The following PARN variants were observed in gnomAD, a reference collection of about 807,000 sequenced individuals.
PARN encodes the protein poly(A)-specific ribonuclease.
PARN carries 71 observed loss-of-function variants against 102.8 expected under a neutral mutation model. The observed-to-expected ratio is 0.69, with a 90% CI of 0.57 to 0.84. The LOEUF (loss-of-function observed/expected upper bound fraction) is 0.84. Ranked by LOEUF, PARN falls within the 40% of genes least tolerant of loss-of-function variation. The probability of loss-of-function intolerance (pLI) is 0.00; values close to 1 mark genes in which losing one functional copy is unlikely to be tolerated. For synonymous variants in PARN, 261 were observed against 252.9 expected (o/e 1.03, Z -0.30); for missense variants, 782 against 760.9 (o/e 1.03, Z -0.33).
At chr16:14,462,156 T>C (rs1962021450) in intron 22 of PARN, among the ~76,000 whole-genome samples, 1 of 152,186 alleles carries the variant, frequency 6.6e-6, no homozygotes, top group African/African-American at 2.4e-5. Context: ...ATTAATGTCC[T>C]TATAGACATA....
chr16:14,598,433 C>A (rs1051411481), intron 12 of PARN, among the ~76,000 whole-genome samples: 1 of 152,118 alleles, frequency 6.6e-6, no homozygotes, highest in Non-Finnish European at 1.5e-5. Context: ...ACTATCATGA[C>A]GGCTACAAAA....
chr16:14,516,023 CAGTACTCAAGAAAACATT>C (rs1965439461), intron 21 of PARN, among the ~76,000 whole-genome samples: 1 of 151,722 alleles, frequency 6.6e-6, no homozygotes, highest in South Asian at 2.1e-4. Context: ...AATGAGGTCA[CAGTACTCAAGAAAACATT>C]AACACTCAAA....
At chr16:14,564,262 A>C (rs1968287703) in intron 18 of PARN, among the ~76,000 whole-genome samples, 1 of 152,200 alleles carries the variant, frequency 6.6e-6, no homozygotes, top group South Asian at 2.1e-4. Flanking sequence ...AGTGCTCAGG[A>C]TACAACATCC....
Position 14,573,318 on chromosome 16 carries a change from A to G in PARN, c.1262+7556T>C, listed in dbSNP as rs146197906. 6.2e-3 allele frequency among the ~76,000 whole-genome samples: 945 copies of G among 152,302 alleles called. 14 individuals are homozygous for G. Among genetic ancestry groups the G allele is most frequent in the African/African-American group, 0.021 (889 of 41,556 alleles). ...CCTAACATACTCACTTTTTGCAGTG[A>G]AAACACTTAAAACCTACTCTTCTGG... On this transcript the variant is annotated intron_variant, in intron 18 of 23. Transcript: ENST00000437198.
chr16:14,539,106 G>T (rs904015342), intron 21 of PARN, among the ~76,000 whole-genome samples: 1 of 152,146 alleles, frequency 6.6e-6, no homozygotes, highest in Non-Finnish European at 1.5e-5. Context: ...CACAATAAAT[G>T]TAATGTGCTT....
In PARN at chr16:14,582,213, CCT is replaced by C; in HGVS notation, c.1158_1159del (p.Gly387AlafsTer29). 6.2e-7 allele frequency: 1 copy of C among 1,612,826 alleles called. No individual in the cohort carries two copies. The highest frequency in any genetic ancestry group is 8.5e-7 in the Non-Finnish European group (1 of 1,178,814). On this transcript the variant is annotated frameshift_variant, in exon 17 of 24. Coordinates refer to ENST00000437198, the MANE Select transcript of PARN (RefSeq NM_002582.4). LOFTEE classifies it high-confidence loss of function. ...ATTGGCCATGGAGATGAAGCACAGC[CCT>C]GTGATGTAGGCATCGTAGCCTGCCT...
At chr16:14,484,906 A>C (rs777994018) in intron 21 of PARN, among the ~76,000 whole-genome samples, 11 of 152,080 alleles carry the variant, frequency 7.2e-5, no homozygotes, top group Admixed American at 1.3e-4. Flanking sequence ...TAAAGAGAAA[A>C]AGAAAAAAAA....
chr16:14,625,197 C>A lies in PARN; in HGVS notation c.327+1909G>T, dbSNP rs76942814. 6.0e-5 allele frequency among the ~76,000 whole-genome samples: 9 copies of A among 150,892 alleles called. No individual in the cohort carries two copies. The East Asian group carries it at 1.6e-3, about 26-fold the overall frequency. Reference sequence around the variant, plus strand: ...CTACTTTTCCCTCAATGAAAATTTACCAAAAAAAAAACAAAACAAAACAAA... The same window carrying A: ...CTACTTTTCCCTCAATGAAAATTTAACAAAAAAAAAACAAAACAAAACAAA... On this transcript the variant is annotated intron_variant, in intron 5 of 23. Transcript: ENST00000437198.
chr16:14,503,081 C>T (rs968960975), intron 21 of PARN, among the ~76,000 whole-genome samples: 15 of 152,124 alleles, frequency 9.9e-5, no homozygotes, highest in Admixed American at 7.9e-4. Flanking sequence ...CACCCCGCTG[C>T]GCCCCTGAGT....
chr16:14,506,085 T>G (rs1293453969), intron 21 of PARN, among the ~76,000 whole-genome samples: 1 of 152,230 alleles, frequency 6.6e-6, no homozygotes, highest in Admixed American at 6.5e-5. Context: ...CTCAGTGTGA[T>G]GCACTGAAAA....
At chr16:14,582,151 G>C in intron 17 of PARN, 30 bp downstream of exon 17, 1 of 1,331,998 alleles carries the variant, frequency 7.5e-7, no homozygotes, top group Non-Finnish European at 1.1e-6. Context: ...AGATCACTGC[G>C]TGTTTGACTG....
intron 12 of PARN, among the ~76,000 whole-genome samples, chr16:14,597,238 G>A (rs889241238): frequency 6.6e-6 from 1 of 152,114 alleles, no homozygotes; most frequent in Non-Finnish European, 1.5e-5. Context: ...GGGAAAACAG[G>A]ATTTTCATGG....
chr16:14,563,334 G>A (rs146543802), intron 18 of PARN, among the ~76,000 whole-genome samples: 138 of 152,316 alleles, frequency 9.1e-4, no homozygotes, highest in African/African-American at 3.3e-3. Context: ...TGGAGCCAGT[G>A]CAGTGCAAGG....
At chr16:14,518,118 C>CT (rs1567340938) in intron 21 of PARN, among the ~76,000 whole-genome samples, 1 of 150,828 alleles carries the variant, frequency 6.6e-6, no homozygotes. Flanking sequence ...TTAATTTGCT[C>CT]TTTTTTAAAA....
chr16:14,629,459 C>G (rs948843101), intron 2 of PARN, 138 bp downstream of exon 2: 2 of 668,228 alleles, frequency 3.0e-6, no homozygotes, highest in Non-Finnish European at 5.3e-6. Flanking sequence ...AAGGGTAACA[C>G]TGAGACCTGT....
At chr16:14,629,931 G>C (rs1213331737) in intron 1 of PARN, among the ~76,000 whole-genome samples, 176 bp downstream of exon 1, 1 of 152,196 alleles carries the variant, frequency 6.6e-6, no homozygotes, top group Non-Finnish European at 1.5e-5. Context: ...AGGCTCCTAG[G>C]GTGCACGGTC....
At chr16:14,506,412 T>TCATA (rs1964897301) in intron 21 of PARN, among the ~76,000 whole-genome samples, 1 of 152,204 alleles carries the variant, frequency 6.6e-6, no homozygotes, top group South Asian at 2.1e-4. Context: ...GGACATTAGA[T>TCATA]CATATCAAAA....
chr16:14,591,068 A>G (rs1236745996), intron 13 of PARN, among the ~76,000 whole-genome samples: 3 of 151,980 alleles, frequency 2.0e-5, no homozygotes, highest in Admixed American at 6.6e-5. Context: ...TGGACAAAAG[A>G]GTGAGACCTA....
intron 21 of PARN, among the ~76,000 whole-genome samples, chr16:14,538,377 G>T (rs1028082824): frequency 1.3e-5 from 2 of 151,794 alleles, no homozygotes; most frequent in Non-Finnish European, 2.9e-5. Context: ...ACGCCACCAT[G>T]CCCAGCTAAT....
Sources: allele counts gnomAD v4.1 joint callset (sites outside exome capture counted in the v4.1 genomes callset), GRCh38; gene constraint gnomAD v4.1.1; transcripts MANE v1.5; gene names NCBI Gene and HGNC (gene_info 2026-07-23, HGNC 2026-07-21).